ERC2: variants seen among roughly 807,000 people sequenced by gnomAD.
ERC2 encodes the protein ELKS/RAB6-interacting/CAST family member 2.
Under a neutral mutation model 114.8 loss-of-function variants are expected in ERC2, and 42 were observed. The observed-to-expected ratio is 0.37, with a 90% CI of 0.29 to 0.47. The LOEUF is 0.47. Among genes scored for constraint, ERC2 ranks in the 20% least tolerant of loss-of-function variants. The probability of loss-of-function intolerance (pLI) is 0.99; values close to 1 mark genes in which losing one functional copy is unlikely to be tolerated. For synonymous variants in ERC2, 454 were observed against 425.5 expected (o/e 1.07, Z -0.82); for missense variants, 939 against 1,150.7 (o/e 0.82, Z 2.66).
intron 14 of ERC2, among the ~76,000 whole-genome samples, chr3:55,864,184 CATAT>C (rs113564429): frequency 2.2e-5 from 3 of 134,564 alleles, no homozygotes; most frequent in Non-Finnish European, 4.7e-5. Context: ...TATATATACA[CATAT>C]ATATATACAC....
At chr3:55,878,992 A>G (rs1223728247) in intron 14 of ERC2, among the ~76,000 whole-genome samples, 2 of 152,162 alleles carry the variant, frequency 1.3e-5, no homozygotes, top group African/African-American at 4.8e-5. Flanking sequence ...ATAAATGCCT[A>G]AAAATTCAGG....
At chr3:55,715,164 G>A (rs2148868862) in intron 15 of ERC2, among the ~76,000 whole-genome samples, 1 of 152,214 alleles carries the variant, frequency 6.6e-6, no homozygotes, top group East Asian at 1.9e-4. Flanking sequence ...TGACAGGCAT[G>A]GTTGTGTCTA....
At chr3:56,033,026 G>GAAAGA (rs1560058110) in intron 7 of ERC2, among the ~76,000 whole-genome samples, 15 of 47,704 alleles carry the variant, frequency 3.1e-4, no homozygotes, top group East Asian at 2.0e-3. Flanking sequence ...AAAGAAAAAA[G>GAAAGA]AAACAGAAAG....
At position 56,311,286 on chromosome 3, in the gene ERC2, TATATAC is replaced by T. The variant is rs1560571468; in HGVS notation, c.658-14857_658-14852del. ...ATATATATATATATATATATATATA[TATATAC>T]ACACATATATATAATTTTTTTTTTT... On this transcript the variant is annotated intron_variant, in intron 2 of 17. Transcript: ENST00000288221. Among the ~76,000 whole-genome samples, 424 of 76,060 alleles carry T rather than the reference TATATAC, an allele frequency of 5.6e-3. 5 individuals carry two copies. The highest frequency in any genetic ancestry group is 0.011 in the African/African-American group (267 of 24,062). The allele number at this position is 76,060 out of a possible 152,430, so 49.9% of individuals were successfully genotyped here. A position where few individuals can be genotyped will look rare whatever the true frequency, so the allele number is the denominator to read the frequency against.
At chr3:55,755,198 G>A (rs2066972801) in intron 14 of ERC2, among the ~76,000 whole-genome samples, 1 of 151,574 alleles carries the variant, frequency 6.6e-6, no homozygotes, top group Non-Finnish European at 1.5e-5. Context: ...ATACTGGTTT[G>A]TCTGTAAATA....
In ERC2 at chr3:56,126,860, G is replaced by GGAAAGGAAAGGAAAGGAAAA. The variant is rs1338437276; in HGVS notation, c.1473+12648_1473+12649insTTTTCCTTTCCTTTCCTTTC. Among the ~76,000 whole-genome samples, 756 of 136,598 alleles carry GGAAAGGAAAGGAAAGGAAAA rather than the reference G, an allele frequency of 5.5e-3. 5 individuals carry two copies. Among genetic ancestry groups the GGAAAGGAAAGGAAAGGAAAA allele is most frequent in the Middle Eastern group, 0.011 (3 of 266 alleles). 89.6% of individuals were successfully genotyped at this position (136,598 alleles called of 152,430 possible). On this transcript the variant is annotated intron_variant, in intron 6 of 17. Transcript: ENST00000288221. Reference sequence around the variant, plus strand: ...GGAAAGGAAAGGAAAGGAAAAGAAAGGCAAGGCAAGGCAAGGCAAGGCAAG... The same window carrying GGAAAGGAAAGGAAAGGAAAA: ...GGAAAGGAAAGGAAAGGAAAAGAAAGGAAAGGAAAGGAAAGGAAAAGCAAGGCAAGGCAAGGCAAGGCAAG...
chr3:56,136,325 C>T (rs575970432), intron 6 of ERC2, among the ~76,000 whole-genome samples: 1 of 152,282 alleles, frequency 6.6e-6, no homozygotes, highest in East Asian at 1.9e-4. Flanking sequence ...ACAAAGAGAG[C>T]CCCCTTCTGT....
intron 14 of ERC2, among the ~76,000 whole-genome samples, chr3:55,849,951 C>T (rs2061503534): frequency 6.6e-6 from 1 of 152,206 alleles, no homozygotes; most frequent in Non-Finnish European, 1.5e-5. Context: ...AGTTTATCAT[C>T]TTACAGTTCT....
intron 15 of ERC2, among the ~76,000 whole-genome samples, chr3:55,703,051 G>A (rs547516344): frequency 1.8e-4 from 27 of 152,100 alleles, no homozygotes; most frequent in Non-Finnish European, 3.2e-4. Flanking sequence ...AATCTAATCA[G>A]ATTTCATTTT....
chr3:55,988,081 CTCTT>C (rs1043967247), intron 11 of ERC2, among the ~76,000 whole-genome samples: 1 of 152,228 alleles, frequency 6.6e-6, no homozygotes, highest in Admixed American at 6.5e-5. Flanking sequence ...ATTAACCTCT[CTCTT>C]TCCCCTAAGT....
intron 2 of ERC2, among the ~76,000 whole-genome samples, chr3:56,353,824 A>G (rs1393913175): frequency 6.6e-6 from 1 of 150,680 alleles, no homozygotes; most frequent in Non-Finnish European, 1.5e-5. Context: ...ATATATATAT[A>G]AAGAAATAAT....
chr3:55,739,910 A>G (rs754057357), intron 14 of ERC2, among the ~76,000 whole-genome samples: 9 of 152,050 alleles, frequency 5.9e-5, no homozygotes, highest in Non-Finnish European at 1.0e-4. Flanking sequence ...TCAGTCTTTA[A>G]TCCATCTTGA....
intron 17 of ERC2, among the ~76,000 whole-genome samples, chr3:55,636,745 A>G (rs2059973260): frequency 6.6e-6 from 1 of 152,238 alleles, no homozygotes; most frequent in African/African-American, 2.4e-5. Context: ...CTGTGCTCCA[A>G]CAAAACTTTA....
chr3:56,411,889 G>A (rs1448856061), intron 2 of ERC2, among the ~76,000 whole-genome samples: 2 of 152,202 alleles, frequency 1.3e-5, no homozygotes, highest in African/African-American at 4.8e-5. Flanking sequence ...ATCCCTGGTT[G>A]TCATACTGCA....
chr3:56,419,110 A>G (rs1197372465), intron 2 of ERC2, among the ~76,000 whole-genome samples: 1 of 152,220 alleles, frequency 6.6e-6, no homozygotes, highest in Non-Finnish European at 1.5e-5. Flanking sequence ...CAAGATGGTA[A>G]TGGGACAGAA....
intron 10 of ERC2, 37 bp downstream of exon 10, chr3:56,007,144 T>C (rs745470563): frequency 2.0e-6 from 3 of 1,515,020 alleles, no homozygotes; most frequent in Non-Finnish European, 2.7e-6. Flanking sequence ...AATTCATTTT[T>C]AAATAAGCAT....
intron 3 of ERC2, among the ~76,000 whole-genome samples, chr3:56,202,031 A>G (rs1016289284): frequency 6.6e-5 from 10 of 152,240 alleles, no homozygotes; most frequent in African/African-American, 1.9e-4. Context: ...AATAGTCATC[A>G]GTCTGTTGGT....
In ERC2 at chr3:55,754,235, G is replaced by A. The variant is rs377252185; in HGVS notation, c.2565-19317C>T. On this transcript the variant is annotated intron_variant, in intron 14 of 17. Coordinates refer to ENST00000288221, the MANE Select transcript of ERC2 (RefSeq NM_015576.3). ...CAGGAGAGAAAATATTTTATTTTCT[G>A]TTTTCTGTACTTTTATCTACAGATT... Among the ~76,000 whole-genome samples, 48 of 151,504 alleles carry A rather than the reference G, an allele frequency of 3.2e-4. 1 individual carries two copies. Among genetic ancestry groups the A allele is most frequent in the Middle Eastern group, 3.4e-3 (1 of 294 alleles).
chr3:55,690,784 C>T (rs546642938), intron 16 of ERC2, among the ~76,000 whole-genome samples: 177 of 152,344 alleles, frequency 1.2e-3, no homozygotes, highest in Non-Finnish European at 2.1e-3. Context: ...TCAGTGAAGA[C>T]CCTACCTGGC....
Sources: allele counts gnomAD v4.1 joint callset (sites outside exome capture counted in the v4.1 genomes callset), GRCh38; gene constraint gnomAD v4.1.1; transcripts MANE v1.5; gene names NCBI Gene and HGNC (gene_info 2026-07-23, HGNC 2026-07-21).